The following NUBP1 variants were observed in gnomAD, a reference collection of about 807,000 sequenced individuals.
NUBP1 encodes the protein cytosolic Fe-S cluster assembly factor NUBP1.
A neutral mutation model predicts 41.8 loss-of-function variants in NUBP1; 46 were observed. The observed-to-expected ratio is 1.10, with a 90% CI of 0.87 to 1.41. The LOEUF (loss-of-function observed/expected upper bound fraction) is 1.41. Ranked by LOEUF, NUBP1 falls within the 40% of genes most tolerant of loss-of-function variation. The probability of loss-of-function intolerance (pLI) is 0.00; values close to 1 mark genes in which losing one functional copy is unlikely to be tolerated. For missense variants in NUBP1, 494 were observed against 414.0 expected (o/e 1.19, Z -1.68); for synonymous variants, 189 against 154.6 (o/e 1.22, Z -1.65).
In NUBP1 at chr16:10,768,130, G is replaced by A; in HGVS notation, c.904+98G>A. Reference sequence around the variant, plus strand: ...GAAGGACAGGTGGGTGGTGGGGTCTGTGATGACCACAGAGTGGCCCCCATA... The same window carrying A: ...GAAGGACAGGTGGGTGGTGGGGTCTATGATGACCACAGAGTGGCCCCCATA... On this transcript the variant is annotated intron_variant, in intron 10 of 10. Transcript: ENST00000283027. This position sits in a 1 kb window ranked among gnomAD's most constrained non-coding sequence, Gnocchi z 4.3. 1.4e-5 allele frequency: 16 copies of A among 1,131,314 alleles called. 1 individual carries two copies. Among genetic ancestry groups the A allele is most frequent in the Non-Finnish European group, 2.0e-5 (15 of 759,500 alleles). 70.1% of individuals were successfully genotyped at this position (1,131,314 alleles called of 1,614,324 possible).
chr16:10,754,996 G>T (rs1271121680), intron 4 of NUBP1, among the ~76,000 whole-genome samples: 1 of 152,102 alleles, frequency 6.6e-6, no homozygotes, highest in East Asian at 1.9e-4. Flanking sequence ...AGTGAGTCAG[G>T]ATCACGCCAC....
chr16:10,761,446 T>A lies in NUBP1; in HGVS notation c.689T>A (p.Met230Lys). The change falls in exon 8 of 11, where the codon ATG (methionine) becomes AAG (lysine). Residue 230 changes from methionine (M) to lysine (K), a missense_variant. By Grantham distance (95) the Met-to-Lys change is moderately conservative. Transcript: ENST00000283027. ...CCCATCATCGGGGTGGTGGAGAACA[T>A]GAGTGGCTTCATCTGTCCTAAGTGC... is the stretch of plus-strand genomic sequence containing the variant. ...KLPIIGVVEN[M>K]SGFICPKCKK... is the part of the protein sequence containing the mutation. The A allele has an allele frequency of 6.2e-7, 1 of 1,614,066 alleles. No individual in the cohort carries two copies. Among genetic ancestry groups the A allele is most frequent in the East Asian group, 2.2e-5 (1 of 44,866 alleles).
At position 10,765,814 on chromosome 16, in the gene NUBP1, T is replaced by C. The variant is rs1157476977; in HGVS notation, c.821-2135T>C. 2.0e-5 allele frequency among the ~76,000 whole-genome samples: 3 copies of C among 152,244 alleles called. No homozygotes were observed. Among genetic ancestry groups the C allele is most frequent in the Non-Finnish European group, 4.4e-5 (3 of 68,046 alleles). On this transcript the variant is annotated intron_variant, in intron 9 of 10. Coordinates refer to ENST00000283027, the MANE Select transcript of NUBP1 (RefSeq NM_002484.4). The surrounding 1 kb of genome is among the most constrained non-coding windows in gnomAD (Gnocchi z 4.0). ...CCAGTGACAGCTGCGAGGCTCATTC[T>C]GAGCTGAGAACATTAAGTGCCTTCT...
intron 4 of NUBP1, among the ~76,000 whole-genome samples, chr16:10,753,497 TC>T (rs143230871): frequency 0.027 from 4,168 of 152,050 alleles, 88 homozygotes; most frequent in Non-Finnish European, 0.041. Flanking sequence ...AAGAGAGGAT[TC>T]CCCCAAGGGC....
At position 10,768,013 on chromosome 16, in the gene NUBP1, C is replaced by T. The variant is rs1172876544; in HGVS notation, c.885C>T (p.Ala295=). 2 of 1,614,052 alleles carry T rather than the reference C, an allele frequency of 1.2e-6. No homozygotes were observed. Among genetic ancestry groups the T allele is most frequent in the South Asian group, 2.2e-5 (2 of 91,074 alleles). ...IDAPDSPATL[A]YRSIIQRIQE... ...CCCCAGATTCCCCAGCCACGTTAGC[C>T]TACAGAAGTATAATTCAGAGTAAGT... Residue 295 remains alanine, a synonymous_variant, in exon 10 of 11, where the codon GCC becomes GCT. Transcript: ENST00000283027. This position sits in a 1 kb window ranked among gnomAD's most constrained non-coding sequence, Gnocchi z 4.3.
intron 9 of NUBP1, 85 bp downstream of exon 9, chr16:10,761,944 A>AGAGGGGCAATGGAAGGAG: frequency 9.4e-7 from 1 of 1,067,220 alleles, no homozygotes; most frequent in East Asian, 2.5e-5. Flanking sequence ...GCGGCTACAG[A>AGAGGGGCAATGGAAGGAG]GAGGGGCAAT....
Position 10,761,766 on chromosome 16 carries a change from C to G in NUBP1, c.727C>G (p.Gln243Glu), listed in dbSNP as rs1233811951. 6.2e-7 allele frequency: 1 copy of G among 1,613,614 alleles called. No homozygotes were observed. The change falls in exon 9 of 11, where the codon CAG (glutamine) becomes GAG (glutamate). Residue 243 changes from glutamine (Q) to glutamate (E), a missense_variant. Physicochemically the swap from Gln to Glu is conservative, Grantham distance 29. Transcript: ENST00000283027. ...TGAATTTGCCTTGCAGAAAGAATCT[C>G]AGATATTCCCTCCCACAACCGGGGG... ...FICPKCKKES[Q>E]IFPPTTGGAE...
At chr16:10,762,088 G>A in intron 9 of NUBP1, 2 of 461,640 alleles carry the variant, frequency 4.3e-6, no homozygotes, top group South Asian at 3.1e-5. Context: ...AGAGGGGTGA[G>A]GCCTGGAAGA....
intron 7 of NUBP1, chr16:10,761,064 A>G (rs1023534712): frequency 3.5e-6 from 1 of 283,980 alleles, no homozygotes; most frequent in Non-Finnish European, 6.8e-6. Flanking sequence ...ACTGTCAAAC[A>G]CTTACAAAAC....
intron 3 of NUBP1, among the ~76,000 whole-genome samples, chr16:10,751,828 G>T (rs965108526): frequency 6.6e-5 from 10 of 152,214 alleles, no homozygotes; most frequent in Admixed American, 1.3e-4. Context: ...TCAGGGTTCA[G>T]CTAGAGGCTC....
Position 10,768,121 on chromosome 16 carries a change from G to C in NUBP1, c.904+89G>C. Reference sequence around the variant, plus strand: ...AGGGGTGTGGAAGGACAGGTGGGTGGTGGGGTCTGTGATGACCACAGAGTG... The same window carrying C: ...AGGGGTGTGGAAGGACAGGTGGGTGCTGGGGTCTGTGATGACCACAGAGTG... On this transcript the variant is annotated intron_variant, in intron 10 of 10. Transcript: ENST00000283027. This position sits in a 1 kb window ranked among gnomAD's most constrained non-coding sequence, Gnocchi z 4.3. 1 of 1,270,108 alleles carries C rather than the reference G, an allele frequency of 7.9e-7. No homozygotes were observed. The highest frequency in any genetic ancestry group is 1.2e-5 in the South Asian group (1 of 83,568). The allele number at this position is 1,270,108 out of a possible 1,614,324, so 78.7% of individuals were successfully genotyped here.
At chr16:10,762,916 G>A (rs568452842) in intron 9 of NUBP1, among the ~76,000 whole-genome samples, 2 of 150,048 alleles carry the variant, frequency 1.3e-5, no homozygotes, top group African/African-American at 2.4e-5. Flanking sequence ...GGGAGCCTGT[G>A]GGAAACGACT....
Position 10,769,187 on chromosome 16 carries a change from G to T in NUBP1, c.*82G>T. 7.9e-7 allele frequency: 1 copy of T among 1,267,652 alleles called. No individual in the cohort carries two copies. Among genetic ancestry groups the T allele is most frequent in the Non-Finnish European group, 1.1e-6 (1 of 872,316 alleles). The allele number at this position is 1,267,652 out of a possible 1,614,324, so 78.5% of individuals were successfully genotyped here. On this transcript the variant is annotated 3_prime_UTR_variant, in exon 11 of 11. Coordinates refer to ENST00000283027, the MANE Select transcript of NUBP1 (RefSeq NM_002484.4). Reference sequence around the variant, plus strand: ...CATCCAGCCAGACCCGACCAGCTCCGGGATGGGGTGGGTCACAGCAAAAGG... The same window carrying T: ...CATCCAGCCAGACCCGACCAGCTCCTGGATGGGGTGGGTCACAGCAAAAGG...
Position 10,766,692 on chromosome 16 carries a change from G to C in NUBP1, c.821-1257G>C. The C allele has an allele frequency of 2.7e-6, 1 of 364,070 alleles. No homozygotes were observed. The allele number at this position is 364,070 out of a possible 1,614,324, so 22.6% of individuals were successfully genotyped here. ...CGCACAAAGAAAGGAAGGAAGGAAG[G>C]GATTTATTGAAAATGAAAGTCAACT... On this transcript the variant is annotated intron_variant, in intron 9 of 10. Coordinates refer to ENST00000283027, the MANE Select transcript of NUBP1 (RefSeq NM_002484.4). This position sits in a 1 kb window ranked among gnomAD's most constrained non-coding sequence, Gnocchi z 4.8.
chr16:10,752,421 C>T (rs1900361874), intron 3 of NUBP1, among the ~76,000 whole-genome samples, 189 bp from the exon 4 acceptor site: 1 of 152,158 alleles, frequency 6.6e-6, no homozygotes, highest in Non-Finnish European at 1.5e-5. Context: ...GGAATGGGGG[C>T]ATCAGTGTTT....
chr16:10,761,664 C>CT (rs36097495), intron 8 of NUBP1, 93 bp from the exon 9 acceptor site: 25,607 of 901,622 alleles, frequency 0.028, no homozygotes, highest in South Asian at 0.032. Context: ...CAAACTAAGC[C>CT]TTTTTTTTTT....
At chr16:10,745,801 G>A (rs11863379) in intron 2 of NUBP1, among the ~76,000 whole-genome samples, 19 of 152,210 alleles carry the variant, frequency 1.2e-4, no homozygotes, top group Non-Finnish European at 1.9e-4. Flanking sequence ...TTAGGCAGAC[G>A]TCTCAGGGTA....
intron 4 of NUBP1, among the ~76,000 whole-genome samples, chr16:10,753,346 C>T (rs1900409601): frequency 6.6e-6 from 1 of 152,132 alleles, no homozygotes; most frequent in African/African-American, 2.4e-5. Context: ...GGTCTGTACC[C>T]TGGAAGCAAG....
intron 2 of NUBP1, 103 bp downstream of exon 2, chr16:10,744,168 C>A: frequency 1.7e-6 from 2 of 1,145,846 alleles, no homozygotes; most frequent in Non-Finnish European, 2.4e-6. Flanking sequence ...CTGACAGCGG[C>A]AGGCTAGAAG....
Sources: gnomAD v4.1 joint callset for allele counts (sites outside exome capture counted in the v4.1 genomes callset) on GRCh38, gnomAD v4.1.1 for gene constraint, Gnocchi (gnomAD v3.1) non-coding constraint, MANE v1.5 for transcripts, NCBI Gene and HGNC (gene_info 2026-07-23, HGNC 2026-07-21) for gene names.